Variants in DNM3 observed in about 807,000 individuals in gnomAD.
DNM3 encodes dynamin 3.
Under a neutral mutation model 101.6 loss-of-function variants are expected in DNM3, and 47 were observed. That is an observed-to-expected ratio of 0.46 (90% CI 0.37 to 0.59). The LOEUF is 0.59. DNM3 is among the 20% of genes least tolerant of loss of function. The pLI, the probability that DNM3 is intolerant of heterozygous loss-of-function variation, is 0.00. For missense variants in DNM3, 849 were observed against 1,085.7 expected (o/e 0.78, Z 3.06); for synonymous variants, 385 against 387.9 (o/e 0.99, Z 0.09).
intron 14 of DNM3, chr1:172,138,810 C>T (rs761521249): frequency 1.1e-5 from 5 of 449,582 alleles, no homozygotes; most frequent in African/African-American, 8.2e-5. Flanking sequence ...GCTGGGTTGT[C>T]ATGTGACTGC....
At chr1:171,991,998 A>C (rs12077603) in intron 4 of DNM3, among the ~76,000 whole-genome samples, 45,656 of 152,086 alleles carry the variant, frequency 0.3, 10,106 homozygotes, top group African/African-American at 0.63. Context: ...ATTCTTTTCA[A>C]GGGTGACAAG....
At chr1:171,851,400 G>T (rs535459611) in intron 1 of DNM3, among the ~76,000 whole-genome samples, 1 of 152,248 alleles carries the variant, frequency 6.6e-6, no homozygotes, top group East Asian at 1.9e-4. Flanking sequence ...AGTTGAGTGG[G>T]CTTGGATTAG....
At position 172,407,804 on chromosome 1, in the gene DNM3, C is replaced by T; in HGVS notation, c.2555C>T (p.Thr852Ile). The change falls in exon 21 of 21, where the codon ACT becomes ATT. Residue 852 changes from threonine (T) to isoleucine (I), a missense_variant. By Grantham distance (89) the Thr-to-Ile change is moderately conservative. Coordinates refer to ENST00000627582, the MANE Select transcript of DNM3 (RefSeq NM_015569.5). ...CCACCCCCATCACCAACTCGTCCCA[C>T]TATAATCCGCCCACTAGAATCCTCC... ...RRPPPSPTRP[T>I]IIRPLESSLL... is the part of the protein sequence containing the mutation. 1 of 1,613,360 alleles carries T rather than the reference C, an allele frequency of 6.2e-7. No individual in the cohort carries two copies. Among genetic ancestry groups the T allele is most frequent in the Non-Finnish European group, 8.5e-7 (1 of 1,179,388 alleles).
At chr1:172,356,377 T>G (rs1234148732) in intron 17 of DNM3, among the ~76,000 whole-genome samples, 1 of 152,160 alleles carries the variant, frequency 6.6e-6, no homozygotes, top group African/African-American at 2.4e-5. Context: ...CATTGCCATG[T>G]AGAAGTTTTA....
At position 172,230,773 on chromosome 1, in the gene DNM3, T is replaced by A. The variant is rs533312576; in HGVS notation, c.1660-22800T>A. On this transcript the variant is annotated intron_variant, in intron 14 of 20. Transcript: ENST00000627582. The stretch of plus-strand genomic sequence containing the variant: ...AAAATTGTGGTTCTAGTGGTTACTT[T>A]TCTAGCCATATCCTGCTGCATTTCT... 3.3e-5 allele frequency among the ~76,000 whole-genome samples: 5 copies of A among 152,270 alleles called. 1 individual carries two copies. The highest frequency in any genetic ancestry group is 1.2e-4 in the African/African-American group (5 of 41,552).
intron 14 of DNM3, among the ~76,000 whole-genome samples, chr1:172,245,479 C>T (rs1036066836): frequency 1.3e-5 from 2 of 152,196 alleles, no homozygotes; most frequent in African/African-American, 4.8e-5. Context: ...GGAGGAGGCC[C>T]TTGCCATGCT....
At chr1:172,268,943 C>T (rs931842930) in intron 15 of DNM3, among the ~76,000 whole-genome samples, 6 of 152,098 alleles carry the variant, frequency 3.9e-5, no homozygotes, top group African/African-American at 1.4e-4. Context: ...TGTGTGAAGT[C>T]TAGATTCATT....
At chr1:171,960,695 G>A (rs2043160491) in intron 2 of DNM3, among the ~76,000 whole-genome samples, 1 of 152,106 alleles carries the variant, frequency 6.6e-6, no homozygotes, top group Non-Finnish European at 1.5e-5. Flanking sequence ...AGATAAGGGA[G>A]AAATAGGGAA....
intron 1 of DNM3, among the ~76,000 whole-genome samples, chr1:171,902,218 A>G (rs1342022165): frequency 1.3e-5 from 2 of 152,246 alleles, no homozygotes; most frequent in African/African-American, 4.8e-5. Flanking sequence ...ATTTAATTGA[A>G]ATAGTAACCT....
chr1:171,957,769 C>T (rs2042959698), intron 2 of DNM3, among the ~76,000 whole-genome samples: 1 of 152,156 alleles, frequency 6.6e-6, no homozygotes, highest in Non-Finnish European at 1.5e-5. Context: ...TCCTCACCTC[C>T]ATCTGAGACC....
At chr1:171,958,870 T>C (rs1476741411) in intron 2 of DNM3, among the ~76,000 whole-genome samples, 2 of 152,242 alleles carry the variant, frequency 1.3e-5, no homozygotes, top group Non-Finnish European at 2.9e-5. Context: ...TTGCAAATCA[T>C]ATTTCTAAAA....
In DNM3 at chr1:172,340,749, A is replaced by G. The variant is rs117901531; in HGVS notation, c.1893+17409A>G. Reference sequence around the variant, plus strand: ...GGTTTTCAGAATTATGTCATCTGCAAACAGGGACAGTATGACTTCCTCTTC... The same window carrying G: ...GGTTTTCAGAATTATGTCATCTGCAGACAGGGACAGTATGACTTCCTCTTC... On this transcript the variant is annotated intron_variant, in intron 17 of 20. Transcript: ENST00000627582. Among the ~76,000 whole-genome samples the G allele has an allele frequency of 1.1e-3, 173 of 152,324 alleles. 2 individuals carry two copies. In the East Asian group the frequency reaches 0.024, roughly 21 times the overall value.
At chr1:171,961,250 C>G (rs755784580) in intron 2 of DNM3, among the ~76,000 whole-genome samples, 3 of 152,112 alleles carry the variant, frequency 2.0e-5, no homozygotes, top group Admixed American at 2.0e-4. Context: ...CAGCAGTGCA[C>G]TCCAGCCTGG....
chr1:172,007,944 C>T (rs1323973886), intron 4 of DNM3, among the ~76,000 whole-genome samples: 1 of 151,924 alleles, frequency 6.6e-6, no homozygotes, highest in East Asian at 1.9e-4. Context: ...TTGCATTTCC[C>T]TGATAATTAT....
intron 1 of DNM3, among the ~76,000 whole-genome samples, chr1:171,904,023 C>G (rs1330884417): frequency 6.6e-6 from 1 of 152,040 alleles, no homozygotes; most frequent in Non-Finnish European, 1.5e-5. Flanking sequence ...TAAGAATTTA[C>G]TAGGCTGGGC....
At chr1:172,096,101 C>T (rs1464299113) in intron 13 of DNM3, among the ~76,000 whole-genome samples, 1 of 152,154 alleles carries the variant, frequency 6.6e-6, no homozygotes, top group East Asian at 1.9e-4. Flanking sequence ...TACTGCTGAC[C>T]CTTCAGGTCT....
chr1:171,865,614 A>G (rs952614364), intron 1 of DNM3, among the ~76,000 whole-genome samples: 3 of 152,100 alleles, frequency 2.0e-5, no homozygotes, highest in African/African-American at 7.2e-5. Context: ...AAATTCCCAA[A>G]CCTAAATATT....
intron 1 of DNM3, among the ~76,000 whole-genome samples, chr1:171,856,471 C>A (rs1197783063): frequency 2.0e-5 from 3 of 152,050 alleles, no homozygotes; most frequent in Non-Finnish European, 2.9e-5. Flanking sequence ...GGCAATATGG[C>A]CATTTTAATG....
chr1:172,015,488 T>C (rs908852533), intron 4 of DNM3, among the ~76,000 whole-genome samples: 1 of 152,194 alleles, frequency 6.6e-6, no homozygotes, highest in Admixed American at 6.5e-5. Flanking sequence ...TTGCATATAT[T>C]TTGTTAAATT....
Sources: gnomAD v4.1 joint callset for allele counts (sites outside exome capture counted in the v4.1 genomes callset) on GRCh38, gnomAD v4.1.1 for gene constraint, MANE v1.5 for transcripts, NCBI Gene and HGNC (gene_info 2026-07-23, HGNC 2026-07-21) for gene names.